The following POF1B variants were observed in gnomAD, a reference collection of about 807,000 sequenced individuals.
The protein encoded by POF1B is POF1B actin binding protein.
Under a neutral mutation model 55.3 loss-of-function variants are expected in POF1B, and 53 were observed. That is an observed-to-expected ratio of 0.96 (90% CI 0.77 to 1.20). The LOEUF is 1.20. Among genes scored for constraint, POF1B ranks in the 50% most tolerant of loss-of-function variants. The pLI, the probability that POF1B is intolerant of heterozygous loss-of-function variation, is 0.00. For synonymous variants in POF1B, 188 were observed against 148.3 expected (o/e 1.27, Z -1.95); for missense variants, 478 against 420.5 (o/e 1.14, Z -1.20).
At chrX:85,374,733 C>T (rs974467065) in intron 2 of POF1B, among the ~76,000 whole-genome samples, 1 of 111,732 alleles carries the variant, frequency 8.9e-6, no homozygotes, top group Non-Finnish European at 1.9e-5. Context: ...TTTATGCTGA[C>T]AGAATTTGCC....
chrX:85,299,255 G>T (rs926439203), intron 15 of POF1B, among the ~76,000 whole-genome samples: 6 of 89,247 alleles, frequency 6.7e-5, no homozygotes, highest in Non-Finnish European at 1.3e-4. Flanking sequence ...GCAGTGGTGC[G>T]ATCTTGGCTC....
At chrX:85,320,460 A>G (rs1932825922) in intron 7 of POF1B, among the ~76,000 whole-genome samples, 1 of 111,270 alleles carries the variant, frequency 9.0e-6, no homozygotes, top group Admixed American at 9.6e-5. Flanking sequence ...AGGGAAATTT[A>G]TAGCACTAAA....
intron 9 of POF1B, among the ~76,000 whole-genome samples, chrX:85,308,510 C>T (rs182445035): frequency 9.0e-6 from 1 of 110,868 alleles, no homozygotes; most frequent in East Asian, 2.8e-4. Context: ...TTACATTATT[C>T]TTTATTTAAA....
intron 9 of POF1B, among the ~76,000 whole-genome samples, chrX:85,313,410 C>T (rs1932753239): frequency 9.0e-6 from 1 of 111,489 alleles, no homozygotes. Context: ...TATCAAAGGC[C>T]TTTTCTGCCT....
rs777207554 is a variant in POF1B at position 85,320,967 on chromosome X, A to G, written c.855-5233T>C. On this transcript the variant is annotated intron_variant, in intron 7 of 16. Coordinates refer to ENST00000262753, the MANE Select transcript of POF1B (RefSeq NM_024921.4). ...AATAATCAATAGCTTACCAACCAAA[A>G]AGAGTCCAGGACCAGATGGATTCAC... Among the ~76,000 whole-genome samples the G allele has an allele frequency of 3.2e-3, 352 of 110,280 alleles. 1 individual carries two copies. The highest frequency in any genetic ancestry group is 5.2e-3 in the Non-Finnish European group (276 of 52,608).
chrX:85,321,608 G>T (rs1932838387), intron 7 of POF1B, among the ~76,000 whole-genome samples: 1 of 107,802 alleles, frequency 9.3e-6, no homozygotes, highest in African/African-American at 3.5e-5. Context: ...TTAGGCAGGA[G>T]AAGGAAATAA....
intron 2 of POF1B, 79 bp from the exon 3 acceptor site, chrX:85,367,845 A>T (rs1933754314): frequency 1.6e-6 from 1 of 619,153 alleles, no homozygotes; most frequent in Non-Finnish European, 2.5e-6. Flanking sequence ...TTATTTTTAT[A>T]ATAATGTGGT....
chrX:85,352,605 G>T (rs2147939207), intron 4 of POF1B, among the ~76,000 whole-genome samples: 1 of 111,452 alleles, frequency 9.0e-6, no homozygotes, highest in Non-Finnish European at 1.9e-5. Flanking sequence ...ACTAGGTGAT[G>T]AAGTATTAAA....
At chrX:85,331,152 CGAAA>C (rs1479232386) in intron 6 of POF1B, 73 bp from the exon 7 acceptor site, 1 of 1,030,459 alleles carries the variant, frequency 9.7e-7, no homozygotes, top group African/African-American at 1.9e-5. Context: ...TTATGTGAAG[CGAAA>C]GAAAGATAAC....
At chrX:85,352,882 G>T (rs190764542) in intron 4 of POF1B, among the ~76,000 whole-genome samples, 2 of 111,163 alleles carry the variant, frequency 1.8e-5, no homozygotes, top group African/African-American at 6.5e-5. Flanking sequence ...AGCTAAAAAT[G>T]GTAGTTAGAT....
intron 4 of POF1B, among the ~76,000 whole-genome samples, chrX:85,353,623 C>T (rs1933430492): frequency 9.0e-6 from 1 of 110,897 alleles, no homozygotes; most frequent in Admixed American, 9.6e-5. Context: ...GCAAATAGCT[C>T]CCAAAGAGAC....
intron 6 of POF1B, among the ~76,000 whole-genome samples, chrX:85,342,091 T>G (rs765656932): frequency 2.2e-4 from 25 of 111,473 alleles, no homozygotes; most frequent in Non-Finnish European, 4.7e-4. Flanking sequence ...AGGTGTAAAA[T>G]TATCTGTTCC....
At chrX:85,370,686 T>C (rs1199514101) in intron 2 of POF1B, among the ~76,000 whole-genome samples, 1 of 111,663 alleles carries the variant, frequency 9.0e-6, no homozygotes, top group Non-Finnish European at 1.9e-5. Context: ...AACAAAACCT[T>C]GATGTTGAAA....
At chrX:85,326,227 G>A (rs1361003531) in intron 7 of POF1B, among the ~76,000 whole-genome samples, 3 of 112,310 alleles carry the variant, frequency 2.7e-5, no homozygotes, top group Non-Finnish European at 3.8e-5. Flanking sequence ...AGGTGCAGGC[G>A]TGCCGGCCTC....
chrX:85,334,619 C>A (rs1933034960), intron 6 of POF1B, among the ~76,000 whole-genome samples: 1 of 110,967 alleles, frequency 9.0e-6, no homozygotes, highest in Non-Finnish European at 1.9e-5. Context: ...GGCAAAGCAA[C>A]AATGCTTAAG....
chrX:85,307,201 G>A lies in POF1B; in HGVS notation c.1126C>T (p.Leu376Phe). 8.3e-7 allele frequency: 1 copy of A among 1,206,694 alleles called. No homozygotes were observed. Among genetic ancestry groups the A allele is most frequent in the Non-Finnish European group, 1.1e-6 (1 of 893,052 alleles). Reference sequence around the variant, plus strand: ...TTATTTGCTCTCACTGATGCCAAGAGTTCTTCGTACTCTTTTAATTGAGTG... The same window carrying A: ...TTATTTGCTCTCACTGATGCCAAGAATTCTTCGTACTCTTTTAATTGAGTG... ...KDTQLKEYEE[L>F]LASVRANNHQ... Residue 376 changes from leucine to phenylalanine, a missense_variant, in exon 11 of 17, where the codon CTC becomes TTC. By Grantham distance (22) the Leu-to-Phe change is conservative. Transcript: ENST00000262753.
At chrX:85,322,676 A>G (rs1177320667) in intron 7 of POF1B, among the ~76,000 whole-genome samples, 4 of 111,473 alleles carry the variant, frequency 3.6e-5, no homozygotes, top group Non-Finnish European at 7.5e-5. Context: ...AATGGGAGAA[A>G]ATTTTTGCAA....
intron 7 of POF1B, 139 bp downstream of exon 7, chrX:85,330,810 A>G: frequency 3.7e-6 from 2 of 545,959 alleles, no homozygotes; most frequent in South Asian, 1.3e-4. Context: ...TAGAACTTAA[A>G]GTATAATTAA....
At chrX:85,369,984 G>A (rs1431479894) in intron 2 of POF1B, among the ~76,000 whole-genome samples, 1 of 111,880 alleles carries the variant, frequency 8.9e-6, no homozygotes, top group Non-Finnish European at 1.9e-5. Context: ...AGAAATGATA[G>A]CTCTGTCCTT....
Sources: gnomAD v4.1 joint callset for allele counts (sites outside exome capture counted in the v4.1 genomes callset) on GRCh38, gnomAD v4.1.1 for gene constraint, MANE v1.5 for transcripts, NCBI Gene and HGNC (gene_info 2026-07-23, HGNC 2026-07-21) for gene names.